The following TRRAP variants were observed in gnomAD, a reference collection of about 807,000 sequenced individuals.
TRRAP encodes transformation/transcription domain associated protein.
TRRAP carries 41 observed loss-of-function variants against 438.8 expected under a neutral mutation model. That is an observed-to-expected ratio of 0.09 (90% CI 0.07 to 0.12). TRRAP has a LOEUF of 0.12. Ranked by LOEUF, TRRAP falls within the 10% of genes least tolerant of loss-of-function variation. The probability of loss-of-function intolerance (pLI) is 1.00; values close to 1 mark genes in which losing one functional copy is unlikely to be tolerated. For synonymous variants in TRRAP, 1,994 were observed against 1,962.9 expected (o/e 1.02, Z -0.42); for missense variants, 3,122 against 5,055.1 (o/e 0.62, Z 11.60).
chr7:98,971,411 C>T (rs1185331633), intron 52 of TRRAP, among the ~76,000 whole-genome samples: 2 of 152,218 alleles, frequency 1.3e-5, no homozygotes, highest in South Asian at 2.1e-4. Context: ...CATGCTCCGC[C>T]GTGGCCCTGA....
intron 8 of TRRAP, among the ~76,000 whole-genome samples, chr7:98,898,387 G>A (rs1375271959): frequency 1.3e-5 from 2 of 152,240 alleles, no homozygotes; most frequent in Admixed American, 6.5e-5. Flanking sequence ...CGCAGGTAAT[G>A]TATCGTATAT....
At chr7:98,958,198 A>T (rs1273393914) in intron 44 of TRRAP, 107 bp downstream of exon 44, 2 of 928,476 alleles carry the variant, frequency 2.2e-6, no homozygotes, top group Non-Finnish European at 1.6e-6. Context: ...ATACAGACAA[A>T]CCAAGGTCTG....
At chr7:98,959,677 T>A (rs1372882736) in intron 45 of TRRAP, among the ~76,000 whole-genome samples, 187 bp downstream of exon 45, 1 of 151,052 alleles carries the variant, frequency 6.6e-6, no homozygotes, top group Admixed American at 6.6e-5. Context: ...AGGGAGAGAG[T>A]TTGACTAATT....
intron 27 of TRRAP, among the ~76,000 whole-genome samples, chr7:98,935,153 G>A (rs1554413925): frequency 6.6e-6 from 1 of 152,068 alleles, no homozygotes; most frequent in African/African-American, 2.4e-5. Flanking sequence ...AAAAAAGTGT[G>A]TTCACTTAAA....
chr7:98,934,751 C>G (rs931468910), intron 27 of TRRAP, among the ~76,000 whole-genome samples: 1 of 152,166 alleles, frequency 6.6e-6, no homozygotes, highest in African/African-American at 2.4e-5. Flanking sequence ...GTTGACTTCT[C>G]TCTCTCCATA....
intron 22 of TRRAP, among the ~76,000 whole-genome samples, chr7:98,925,731 A>G (rs1790020488): frequency 6.6e-6 from 1 of 152,238 alleles, no homozygotes; most frequent in Non-Finnish European, 1.5e-5. Flanking sequence ...GGTAACACAC[A>G]CATACCATTT....
chr7:98,900,197 G>A (rs1022561331), intron 10 of TRRAP, among the ~76,000 whole-genome samples: 1 of 151,822 alleles, frequency 6.6e-6, no homozygotes. Flanking sequence ...CAAACCTAAG[G>A]ACGTTCCTCC....
Position 98,976,465 on chromosome 7 carries a change from C to T in TRRAP, c.7960-18C>T. The stretch of plus-strand genomic sequence containing the variant: ...GATTTTTGAATGAAGGCCTAAATGA[C>T]ATGTGCTTTGGTTTCAGGCACTCGC... On this transcript the variant is annotated intron_variant, in intron 54 of 72. Coordinates refer to ENST00000456197, the MANE Select transcript of TRRAP (RefSeq NM_001375524.1). This position sits in a 1 kb window ranked among gnomAD's most constrained non-coding sequence, Gnocchi z 4.6. 6.2e-7 allele frequency: 1 copy of T among 1,600,948 alleles called. No homozygotes were observed. The highest frequency in any genetic ancestry group is 8.5e-7 in the Non-Finnish European group (1 of 1,175,532).
intron 49 of TRRAP, among the ~76,000 whole-genome samples, chr7:98,966,268 T>G (rs1395987057): frequency 1.3e-5 from 2 of 151,826 alleles, no homozygotes; most frequent in Non-Finnish European, 2.9e-5. Flanking sequence ...ATCACGCCAT[T>G]GCACTCCAGC....
chr7:98,989,636 G>A lies in TRRAP; in HGVS notation c.9591+670G>A, dbSNP rs140176765. The stretch of plus-strand genomic sequence containing the variant: ...TTGGAATGTACACCAGCACATGGCA[G>A]TTAAAGCCGACTACAGAGACAGCTA... On this transcript the variant is annotated intron_variant, in intron 63 of 72. Coordinates refer to ENST00000456197, the MANE Select transcript of TRRAP (RefSeq NM_001375524.1). Among the ~76,000 whole-genome samples the A allele has an allele frequency of 1.8e-3, 273 of 152,354 alleles. 3 individuals carry two copies. Among genetic ancestry groups the A allele is most frequent in the African/African-American group, 6.4e-3 (264 of 41,572 alleles).
Position 98,948,383 on chromosome 7 carries a change from C to A in TRRAP, c.4668+43C>A. ...GGCTGCTTCTCGCTCTGCCACCCTC[C>A]GGTGCTTATAGCGTCCTCACTTGAT... On this transcript the variant is annotated intron_variant, in intron 34 of 72. Transcript: ENST00000456197. The surrounding 1 kb of genome is among the most constrained non-coding windows in gnomAD (Gnocchi z 4.9). 1.2e-6 allele frequency: 2 copies of A among 1,613,526 alleles called. No homozygotes were observed. Among genetic ancestry groups the A allele is most frequent in the Non-Finnish European group, 1.7e-6 (2 of 1,179,784 alleles).
chr7:98,968,999 A>G (rs1792284163), intron 51 of TRRAP, among the ~76,000 whole-genome samples: 1 of 152,368 alleles, frequency 6.6e-6, no homozygotes, highest in African/African-American at 2.4e-5. Context: ...ACAAGCCAAG[A>G]GTCCTCGACT....
chr7:99,001,417 A>G (rs1793914752), intron 67 of TRRAP, among the ~76,000 whole-genome samples: 1 of 152,212 alleles, frequency 6.6e-6, no homozygotes, highest in African/African-American at 2.4e-5. Context: ...TTTTATGGAA[A>G]TCATATTTTA....
chr7:98,934,136 CTG>C (rs1790449264), intron 27 of TRRAP, among the ~76,000 whole-genome samples: 1 of 152,142 alleles, frequency 6.6e-6, no homozygotes, highest in Non-Finnish European at 1.5e-5. Context: ...AGGAATGAAA[CTG>C]TGGGTGTTGC....
chr7:98,946,323 T>C (rs76744740), intron 33 of TRRAP, among the ~76,000 whole-genome samples: 4,911 of 152,284 alleles, frequency 0.032, 239 homozygotes, highest in African/African-American at 0.11. Context: ...AGGAATTACA[T>C]GTTCTTTCAC....
At chr7:98,897,525 A>G (rs117586765) in intron 7 of TRRAP, among the ~76,000 whole-genome samples, 3,161 of 152,268 alleles carry the variant, frequency 0.021, 40 homozygotes, top group East Asian at 0.047. Flanking sequence ...GGGAAGAGTA[A>G]ACGTCTAGTG....
At chr7:98,912,271 G>C (rs2116417315) in intron 18 of TRRAP, 58 bp downstream of exon 18, 1 of 1,565,166 alleles carries the variant, frequency 6.4e-7, no homozygotes, top group South Asian at 1.2e-5. Flanking sequence ...TGTTGTTAGA[G>C]ACAGGGCCTC....
Position 98,931,620 on chromosome 7 carries a change from G to A in TRRAP, c.3807G>A (p.Gln1269=), listed in dbSNP as rs539964537. The part of the protein sequence containing the change: ...QAMHSLQVLA[Q]VTGKSVTVIM... ...TGCATTCGCTGCAGGTGTTGGCCCA[G>A]GTCACTGGGAAGAGTGTCACGGTGA... The change falls in exon 26 of 73, where the codon CAG becomes CAA. Residue 1269 remains glutamine (Q), a synonymous_variant. Coordinates refer to ENST00000456197, the MANE Select transcript of TRRAP (RefSeq NM_001375524.1). The A allele has an allele frequency of 2.5e-6, 4 of 1,614,202 alleles. No homozygotes were observed. In the African/African-American group the frequency reaches 5.3e-5, roughly 22 times the overall value.
At chr7:98,998,252 A>G (rs879702492) in intron 67 of TRRAP, among the ~76,000 whole-genome samples, 1 of 152,204 alleles carries the variant, frequency 6.6e-6, no homozygotes, top group Admixed American at 6.5e-5. Flanking sequence ...AAGAAAATAA[A>G]TATTTAATTT....
Sources: gnomAD v4.1 joint callset for allele counts (sites outside exome capture counted in the v4.1 genomes callset) on GRCh38, gnomAD v4.1.1 for gene constraint, Gnocchi (gnomAD v3.1) non-coding constraint, MANE v1.5 for transcripts, NCBI Gene and HGNC (gene_info 2026-07-23, HGNC 2026-07-21) for gene names.